The following EPN2 variants were observed in gnomAD, a reference collection of about 807,000 sequenced individuals.
The protein encoded by EPN2 is epsin 2.
In EPN2, 34 loss-of-function variants were observed where a neutral mutation model predicts 61.7. The ratio of observed to expected loss-of-function variants is 0.55; its 90% CI spans 0.42 to 0.73. The LOEUF (loss-of-function observed/expected upper bound fraction) is 0.73. Ranked by LOEUF, EPN2 falls within the 30% of genes least tolerant of loss-of-function variation. EPN2 has a pLI of 0.00. For synonymous variants in EPN2, 349 were observed against 353.6 expected (o/e 0.99, Z 0.15); for missense variants, 714 against 839.2 (o/e 0.85, Z 1.84).
Position 19,336,009 on chromosome 17 carries a change from CAGA to C in EPN2, c.*1759_*1761del, listed in dbSNP as rs1907415189. ...CCACCTGCCAGCCCCTCTCTGGTTC[CAGA>C]AGATTACCCTTCGCACCGGCACAGG... On this transcript the variant is annotated 3_prime_UTR_variant, in exon 11 of 11. Transcript: ENST00000314728. The C allele has an allele frequency of 6.6e-6, 1 of 152,560 alleles. No homozygotes were observed. Among genetic ancestry groups the C allele is most frequent in the African/African-American group, 2.4e-5 (1 of 41,434 alleles). The allele number at this position is 152,560 out of a possible 1,614,324, so 9.5% of individuals were successfully genotyped here. A position where few individuals can be genotyped will look rare whatever the true frequency, so the allele number is the denominator to read the frequency against.
intron 7 of EPN2, among the ~76,000 whole-genome samples, chr17:19,318,288 G>A (rs995564626): frequency 2.0e-5 from 3 of 150,760 alleles, no homozygotes; most frequent in South Asian, 2.1e-4. Flanking sequence ...GGTGGCTGAC[G>A]CCTGTAATCC....
At chr17:19,301,020 G>T (rs1598007603) in intron 4 of EPN2, among the ~76,000 whole-genome samples, 1 of 152,116 alleles carries the variant, frequency 6.6e-6, no homozygotes, top group Non-Finnish European at 1.5e-5. Flanking sequence ...CTTCCCATTC[G>T]AGGACCACGA....
chr17:19,311,249 C>A (rs1162329862), intron 5 of EPN2, among the ~76,000 whole-genome samples: 1 of 152,152 alleles, frequency 6.6e-6, no homozygotes, highest in Non-Finnish European at 1.5e-5. Flanking sequence ...ATGCATGTGG[C>A]TTCATGGCCA....
chr17:19,251,389 G>A (rs1331535516), intron 1 of EPN2, among the ~76,000 whole-genome samples: 2 of 152,154 alleles, frequency 1.3e-5, no homozygotes, highest in Non-Finnish European at 2.9e-5. Context: ...GGGGTTGTTT[G>A]TGGGGCTCTG....
chr17:19,308,190 C>T (rs999236135), intron 4 of EPN2: 1 of 457,404 alleles, frequency 2.2e-6, no homozygotes, highest in African/African-American at 2.1e-5. Context: ...TCTCCTGCCT[C>T]AGCCTCCCAA....
At chr17:19,261,110 G>T (rs1414791451) in intron 1 of EPN2, among the ~76,000 whole-genome samples, 1 of 152,174 alleles carries the variant, frequency 6.6e-6, no homozygotes, top group Non-Finnish European at 1.5e-5. Context: ...CTGCAGGGTG[G>T]CATCCCGCAG....
intron 1 of EPN2, among the ~76,000 whole-genome samples, chr17:19,251,207 T>C (rs1250408671): frequency 6.6e-6 from 1 of 152,142 alleles, no homozygotes; most frequent in African/African-American, 2.4e-5. Context: ...CTCCTAGACA[T>C]TGGGAATGCC....
intron 1 of EPN2, among the ~76,000 whole-genome samples, chr17:19,268,228 G>C (rs1245697611): frequency 6.6e-6 from 1 of 152,160 alleles, no homozygotes. Context: ...GCAGTGTTTT[G>C]TTGCTCCCCC....
rs1402830088 is a variant in EPN2 at position 19,305,742 on chromosome 17, A to T, written c.767-4143A>T. 3.3e-5 allele frequency among the ~76,000 whole-genome samples: 5 copies of T among 152,100 alleles called. No homozygotes were observed. In the East Asian group the frequency reaches 9.7e-4, roughly 29 times the overall value. On this transcript the variant is annotated intron_variant, in intron 4 of 10. Transcript: ENST00000314728. Reference sequence around the variant, plus strand: ...TACAGGCACCCAGGCTCTGCCGGGCAGTCCCTGGAGCAGACAGGGTGGACT... The same window carrying T: ...TACAGGCACCCAGGCTCTGCCGGGCTGTCCCTGGAGCAGACAGGGTGGACT...
chr17:19,283,525 G>C lies in EPN2; in HGVS notation c.406G>C (p.Asp136His). ...KSKQLVALLK[D>H]EERLKAERAQ... ...AAAGCAACTGGTGGCTCTCCTCAAG[G>C]ACGAGGAACGGTTGAAGGCTGAGAG... The change falls in exon 3 of 11, where the codon GAC becomes CAC. Residue 136 changes from aspartate (D) to histidine (H), a missense_variant. Asp to His is a moderately conservative substitution (Grantham distance 81, BLOSUM62 -1). This residue lies in a region of EPN2 where 304 missense variants were observed against 417.4 expected (regional missense o/e 0.73). Transcript: ENST00000314728. This position sits in a 1 kb window ranked among gnomAD's most constrained non-coding sequence, Gnocchi z 7.0. 1 of 1,614,248 alleles carries C rather than the reference G, an allele frequency of 6.2e-7. No individual in the cohort carries two copies. Among genetic ancestry groups the C allele is most frequent in the Admixed American group, 1.7e-5 (1 of 60,026 alleles).
Position 19,334,096 on chromosome 17 carries a change from G to A in EPN2, c.1768G>A (p.Val590Met). The stretch of plus-strand genomic sequence containing the variant: ...TGGCCCAGGAGTGGAGTCCATGGCT[G>A]TGGCCTCGATGACCTCCGCGGCCCC... Reference protein sequence around the residue: ...GPGPGVESMAVASMTSAAPQP... With the variant: ...GPGPGVESMAMASMTSAAPQP... The change falls in exon 11 of 11, where the codon GTG (valine) becomes ATG (methionine). Residue 590 changes from valine to methionine, a missense_variant. By Grantham distance (21) the Val-to-Met change is conservative (BLOSUM62 1). Around this residue, in one of 2 missense-constraint regions of EPN2, gnomAD observed 410 missense variants for 421.8 expected, o/e 0.97. Coordinates refer to ENST00000314728, the MANE Select transcript of EPN2 (RefSeq NM_014964.5). The surrounding 1 kb of genome is among the most constrained non-coding windows in gnomAD (Gnocchi z 4.9). 2 of 1,609,360 alleles carry A rather than the reference G, an allele frequency of 1.2e-6. No individual in the cohort carries two copies. Among genetic ancestry groups the A allele is most frequent in the Non-Finnish European group, 1.7e-6 (2 of 1,177,958 alleles).
intron 1 of EPN2, among the ~76,000 whole-genome samples, chr17:19,247,050 G>A (rs959376287): frequency 3.3e-5 from 5 of 151,750 alleles, no homozygotes; most frequent in African/African-American, 4.8e-5. Flanking sequence ...GATTACAGGC[G>A]TGAGCCACTG....
At chr17:19,247,005 C>T (rs1227399852) in intron 1 of EPN2, among the ~76,000 whole-genome samples, 2 of 151,962 alleles carry the variant, frequency 1.3e-5, no homozygotes, top group Non-Finnish European at 2.9e-5. Context: ...CTCCTGACCT[C>T]GTGATCTGCC....
intron 9 of EPN2, among the ~76,000 whole-genome samples, chr17:19,330,438 G>T (rs918245756): frequency 6.6e-6 from 1 of 152,036 alleles, no homozygotes; most frequent in Non-Finnish European, 1.5e-5. Context: ...GCTAGGCCCT[G>T]GTGTGAGGTA....
intron 1 of EPN2, among the ~76,000 whole-genome samples, 192 bp downstream of exon 1, chr17:19,237,723 C>T (rs977741401): frequency 2.0e-5 from 3 of 152,172 alleles, no homozygotes; most frequent in Non-Finnish European, 2.9e-5. Context: ...CAACCAGGCC[C>T]CGCCCCACGG....
intron 7 of EPN2, among the ~76,000 whole-genome samples, chr17:19,323,899 T>G (rs1019355331): frequency 6.6e-6 from 1 of 152,236 alleles, no homozygotes; most frequent in Non-Finnish European, 1.5e-5. Context: ...ACAGAAATGT[T>G]AAGAGAAGTT....
rs1907021981 is a variant in EPN2, at chr17:19,328,816, C to A, written c.1253C>A (p.Ala418Asp). 1 of 1,613,502 alleles carries A rather than the reference C, an allele frequency of 6.2e-7. No homozygotes were observed. The highest frequency in any genetic ancestry group is 1.3e-5 in the African/African-American group (1 of 74,922). ...CCCTGGGCAGCTTCACAGCAGCCTG[C>A]CTCCAGTGCTGGGAAAAGAGCTTCT... ...SDPWAASQQP[A>D]SSAGKRASDA... Residue 418 changes from alanine to aspartate, a missense_variant, in exon 8 of 11, where the codon GCC (alanine) becomes GAC (aspartate). Physicochemically the swap from Ala to Asp is moderately radical, Grantham distance 126. This residue lies in a region of EPN2 where 410 missense variants were observed against 421.8 expected (regional missense o/e 0.97). Transcript: ENST00000314728.
intron 1 of EPN2, among the ~76,000 whole-genome samples, chr17:19,247,364 C>G (rs978396100): frequency 6.6e-6 from 1 of 151,946 alleles, no homozygotes; most frequent in African/African-American, 2.4e-5. Flanking sequence ...CAGAAGCTAG[C>G]AGTTTGTTGA....
chr17:19,265,514 T>G (rs1391035713), intron 1 of EPN2, among the ~76,000 whole-genome samples: 1 of 152,182 alleles, frequency 6.6e-6, no homozygotes, highest in Non-Finnish European at 1.5e-5. Context: ...AAAGGCATGA[T>G]CTCTTCATTC....
Sources: gnomAD v4.1 joint callset for allele counts (sites outside exome capture counted in the v4.1 genomes callset) on GRCh38, gnomAD v4.1.1 for gene constraint, gnomAD v4.1.1 regional missense constraint, Gnocchi (gnomAD v3.1) non-coding constraint, MANE v1.5 for transcripts, NCBI Gene and HGNC (gene_info 2026-07-23, HGNC 2026-07-21) for gene names.